Variants in FARS2 observed in about 807,000 individuals in gnomAD.
FARS2 encodes the protein phenylalanyl-tRNA synthetase 2, mitochondrial, also known as phenylalanine--tRNA ligase, mitochondrial.
A neutral mutation model predicts 46.4 loss-of-function variants in FARS2; 40 were observed. That is an observed-to-expected ratio of 0.86 (90% CI 0.67 to 1.12). The LOEUF is 1.12. FARS2 is among the 50% of genes most tolerant of loss of function. The pLI, the probability that FARS2 is intolerant of heterozygous loss-of-function variation, is 0.00. For synonymous variants in FARS2, 234 were observed against 214.9 expected (o/e 1.09, Z -0.78); for missense variants, 513 against 567.9 (o/e 0.90, Z 0.98).
intron 5 of FARS2, among the ~76,000 whole-genome samples, chr6:5,548,822 AAT>A (rs1448717682): frequency 6.6e-5 from 10 of 152,192 alleles, no homozygotes; most frequent in Non-Finnish European, 1.5e-5. Context: ...TACCTGCACT[AAT>A]ATATAATTTT....
chr6:5,310,207 AT>A (rs1235578306), intron 1 of FARS2, among the ~76,000 whole-genome samples: 1 of 152,178 alleles, frequency 6.6e-6, no homozygotes, highest in Non-Finnish European at 1.5e-5. Context: ...CAATATCTTT[AT>A]TTCATTCTTT....
intron 2 of FARS2, among the ~76,000 whole-genome samples, chr6:5,380,336 T>C (rs946584776): frequency 2.0e-5 from 3 of 152,252 alleles, no homozygotes; most frequent in African/African-American, 7.2e-5. Context: ...TCATTAGGTT[T>C]ACCAAATCCA....
chr6:5,430,100 A>G (rs1367751371), intron 3 of FARS2, among the ~76,000 whole-genome samples: 2 of 152,200 alleles, frequency 1.3e-5, no homozygotes, highest in Non-Finnish European at 2.9e-5. Flanking sequence ...TAAATTCACA[A>G]GAGGGCATGT....
chr6:5,444,558 G>T (rs902096630), intron 4 of FARS2, among the ~76,000 whole-genome samples: 1 of 150,390 alleles, frequency 6.6e-6, no homozygotes, highest in Non-Finnish European at 1.5e-5. Context: ...TTAGTCTCAG[G>T]TCGAAGACTC....
chr6:5,576,598 ATATAT>A (rs928970154), intron 5 of FARS2, among the ~76,000 whole-genome samples: 22 of 146,788 alleles, frequency 1.5e-4, no homozygotes, highest in African/African-American at 2.0e-4. Flanking sequence ...TCTATATATG[ATATAT>A]TATATATATA....
At position 5,771,305 on chromosome 6, in the gene FARS2, G is replaced by A; in HGVS notation, c.1232G>A (p.Ser411Asn). The A allele has an allele frequency of 1.2e-6, 2 of 1,614,148 alleles. No homozygotes were observed. Among genetic ancestry groups the A allele is most frequent in the Non-Finnish European group, 1.7e-6 (2 of 1,180,018 alleles). Residue 411 changes from serine (S) to asparagine (N), a missense_variant, in exon 7 of 7, where the codon AGC (serine) becomes AAC (asparagine). Coordinates refer to ENST00000274680, the MANE Select transcript of FARS2 (RefSeq NM_006567.5). ...CCTCTCTGTAGGACGCACAAGACCA[G>A]CCACTGCTACCGCATCACGTACCGC... Reference protein sequence around the residue: ...KFVHPKTHKTSHCYRITYRHM... With the variant: ...KFVHPKTHKTNHCYRITYRHM...
chr6:5,592,980 G>A (rs572437401), intron 5 of FARS2, among the ~76,000 whole-genome samples: 230 of 152,210 alleles, frequency 1.5e-3, no homozygotes, highest in Non-Finnish European at 3.8e-4. Context: ...TAAGGCGATC[G>A]GCGCTTCTTC....
chr6:5,340,249 C>T (rs533229755), intron 1 of FARS2, among the ~76,000 whole-genome samples: 2 of 152,308 alleles, frequency 1.3e-5, no homozygotes, highest in South Asian at 2.1e-4. Context: ...CATGGCTTTG[C>T]CTCTGTCCAA....
intron 3 of FARS2, among the ~76,000 whole-genome samples, chr6:5,423,092 C>CTTTG (rs1009422980): frequency 4.3e-4 from 47 of 109,288 alleles, no homozygotes; most frequent in African/African-American, 1.1e-3. Flanking sequence ...ACCCGACCAG[C>CTTTG]TTTGTGGAGG....
intron 1 of FARS2, among the ~76,000 whole-genome samples, chr6:5,359,061 A>G (rs951428757): frequency 1.6e-5 from 1 of 62,514 alleles, no homozygotes; most frequent in African/African-American, 6.5e-5. Flanking sequence ...TTTTTTTGAT[A>G]TGGAGGCTTG....
At chr6:5,307,289 C>A (rs1043311545) in intron 1 of FARS2, among the ~76,000 whole-genome samples, 1 of 152,158 alleles carries the variant, frequency 6.6e-6, no homozygotes, top group African/African-American at 2.4e-5. Context: ...TTGGCTGTCT[C>A]TTCACTCAGT....
chr6:5,637,058 G>C (rs1265199017), intron 6 of FARS2, among the ~76,000 whole-genome samples: 1 of 152,212 alleles, frequency 6.6e-6, no homozygotes, highest in Non-Finnish European at 1.5e-5. Context: ...GGGGGCTTTA[G>C]GCAAGAGCAT....
intron 6 of FARS2, among the ~76,000 whole-genome samples, chr6:5,641,172 T>C (rs1224163890): frequency 6.6e-6 from 1 of 152,206 alleles, no homozygotes; most frequent in African/African-American, 2.4e-5. Context: ...CTCACAGTGG[T>C]ATGCCATCAC....
At chr6:5,693,980 AG>A (rs1427883050) in intron 6 of FARS2, among the ~76,000 whole-genome samples, 4 of 152,228 alleles carry the variant, frequency 2.6e-5, no homozygotes, top group Admixed American at 2.6e-4. Context: ...CAGTCATAAA[AG>A]CCCACCCATT....
intron 1 of FARS2, among the ~76,000 whole-genome samples, chr6:5,322,971 TTCAGTCCTTAC>T (rs1770089306): frequency 6.6e-6 from 1 of 152,202 alleles, no homozygotes; most frequent in African/African-American, 2.4e-5. Context: ...AGCTCCCATC[TTCAGTCCTTAC>T]CAAAAACAAT....
intron 4 of FARS2, among the ~76,000 whole-genome samples, chr6:5,516,974 T>A (rs974516329): frequency 6.6e-6 from 1 of 152,138 alleles, no homozygotes; most frequent in African/African-American, 2.4e-5. Context: ...GATGTTGTTC[T>A]GGAGAAACTA....
chr6:5,373,246 C>T (rs1759168628), intron 2 of FARS2, among the ~76,000 whole-genome samples: 2 of 152,118 alleles, frequency 1.3e-5, no homozygotes, highest in African/African-American at 4.8e-5. Context: ...TATCACTGTT[C>T]ATCAGTGACT....
chr6:5,483,726 C>T (rs531410343), intron 4 of FARS2, among the ~76,000 whole-genome samples: 55 of 151,900 alleles, frequency 3.6e-4, no homozygotes, highest in South Asian at 2.5e-3. Flanking sequence ...GTTAAGGAGA[C>T]TTAGAATATG....
intron 6 of FARS2, among the ~76,000 whole-genome samples, chr6:5,641,200 A>G (rs1308997433): frequency 6.6e-6 from 1 of 152,176 alleles, no homozygotes; most frequent in African/African-American, 2.4e-5. Flanking sequence ...CTGAGAGGCA[A>G]GGGCACCAAC....
Sources: gnomAD v4.1 joint callset for allele counts (sites outside exome capture counted in the v4.1 genomes callset) on GRCh38, gnomAD v4.1.1 for gene constraint, MANE v1.5 for transcripts, NCBI Gene and HGNC (gene_info 2026-07-23, HGNC 2026-07-21) for gene names.